M1AP: variants seen among roughly 807,000 people sequenced by gnomAD.
M1AP encodes meiosis 1 associated protein.
In M1AP, 39 loss-of-function variants were observed where a neutral mutation model predicts 51.2. The observed-to-expected ratio is 0.76, with a 90% CI of 0.59 to 1.00. The LOEUF is 1.00. Among genes scored for constraint, M1AP ranks in the 50% least tolerant of loss-of-function variants. M1AP has a pLI of 0.00. For synonymous variants in M1AP, 251 were observed against 249.2 expected (o/e 1.01, Z -0.07); for missense variants, 545 against 641.2 (o/e 0.85, Z 1.62).
chr2:74,573,088 C>G (rs1678844400), intron 7 of M1AP, among the ~76,000 whole-genome samples: 1 of 152,116 alleles, frequency 6.6e-6, no homozygotes, highest in African/African-American at 2.4e-5. Context: ...ACACTGTTGC[C>G]CAGGCTGGAG....
At chr2:74,623,732 C>T (rs529009725) in intron 2 of M1AP, among the ~76,000 whole-genome samples, 13 of 152,230 alleles carry the variant, frequency 8.5e-5, no homozygotes, top group Admixed American at 7.2e-4. Context: ...AGTACAGTGG[C>T]GTGATCATGA....
At chr2:74,569,650 C>T (rs1239427523) in intron 7 of M1AP, among the ~76,000 whole-genome samples, 4 of 151,544 alleles carry the variant, frequency 2.6e-5, no homozygotes, top group Non-Finnish European at 5.9e-5. Flanking sequence ...GCTGGGATTA[C>T]AGGTGTGAGT....
At chr2:74,635,173 C>T (rs1197867135) in intron 2 of M1AP, among the ~76,000 whole-genome samples, 1 of 152,172 alleles carries the variant, frequency 6.6e-6, no homozygotes, top group African/African-American at 2.4e-5. Flanking sequence ...GGTTACAGGG[C>T]CATTCAAACT....
chr2:74,624,602 A>G (rs948368317), intron 2 of M1AP, among the ~76,000 whole-genome samples: 2 of 152,206 alleles, frequency 1.3e-5, no homozygotes, highest in African/African-American at 4.8e-5. Context: ...GACTCCCTAT[A>G]TATAAATTGG....
chr2:74,562,017 C>T, intron 8 of M1AP, 200 bp downstream of exon 8: 1 of 985,428 alleles, frequency 1.0e-6, no homozygotes, highest in Non-Finnish European at 1.2e-6. Context: ...TTCTATTTCA[C>T]TCCTTACCCT....
At chr2:74,631,248 ATTTTAT>A (rs1296697384) in intron 2 of M1AP, among the ~76,000 whole-genome samples, 1 of 152,130 alleles carries the variant, frequency 6.6e-6, no homozygotes, top group East Asian at 1.9e-4. Flanking sequence ...TTTACTGTAT[ATTTTAT>A]TTTTATTTTT....
chr2:74,634,235 C>G (rs538088952), intron 2 of M1AP, among the ~76,000 whole-genome samples: 13 of 152,154 alleles, frequency 8.5e-5, no homozygotes, highest in Non-Finnish European at 1.3e-4. Context: ...TGAAAATGAC[C>G]AACAAATACC....
intron 2 of M1AP, among the ~76,000 whole-genome samples, chr2:74,617,649 G>C (rs1430813984): frequency 6.6e-6 from 1 of 152,144 alleles, no homozygotes; most frequent in African/African-American, 2.4e-5. Context: ...TTATGTACCT[G>C]CACATGCACC....
intron 5 of M1AP, among the ~76,000 whole-genome samples, chr2:74,579,925 G>A (rs370692351): frequency 1.5e-4 from 23 of 151,944 alleles, no homozygotes; most frequent in South Asian, 6.2e-4. Flanking sequence ...CTCTTGCCTC[G>A]GCCTCCTGAG....
intron 2 of M1AP, among the ~76,000 whole-genome samples, chr2:74,631,390 T>C (rs1169099278): frequency 1.3e-5 from 2 of 152,192 alleles, no homozygotes; most frequent in Non-Finnish European, 2.9e-5. Context: ...ACTATAGAAA[T>C]GACAAAATTA....
rs75763367 is a variant in M1AP at position 74,589,157 on chromosome 2, C to T, written c.596-7310G>A. Among the ~76,000 whole-genome samples the T allele has an allele frequency of 3.4e-3, 515 of 152,244 alleles. 2 individuals are homozygous for T. Among genetic ancestry groups the T allele is most frequent in the African/African-American group, 0.011 (467 of 41,538 alleles). On this transcript the variant is annotated intron_variant, in intron 4 of 10. Transcript: ENST00000421985. Reference sequence around the variant, plus strand: ...GACAGTTGGGCAGAAACTTGAATGACGTGAAGTGAGTCATAAAAACATTTG... The same window carrying T: ...GACAGTTGGGCAGAAACTTGAATGATGTGAAGTGAGTCATAAAAACATTTG...
At chr2:74,612,187 G>C (rs555891788) in intron 3 of M1AP, among the ~76,000 whole-genome samples, 1 of 151,686 alleles carries the variant, frequency 6.6e-6, no homozygotes, top group East Asian at 1.9e-4. Flanking sequence ...CACTGCGCCC[G>C]GCCACCAGTT....
chr2:74,631,184 T>C (rs1454140351), intron 2 of M1AP, among the ~76,000 whole-genome samples: 4 of 152,242 alleles, frequency 2.6e-5, no homozygotes, highest in African/African-American at 4.8e-5. Context: ...TGTTTGTTTT[T>C]AGTTATATTA....
chr2:74,580,842 C>T (rs1433534635), intron 5 of M1AP, among the ~76,000 whole-genome samples: 1 of 152,098 alleles, frequency 6.6e-6, no homozygotes, highest in African/African-American at 2.4e-5. Context: ...GTACAAATTC[C>T]CACCCCTAAA....
chr2:74,614,283 T>G (rs1280469994), intron 3 of M1AP, among the ~76,000 whole-genome samples: 1 of 152,180 alleles, frequency 6.6e-6, no homozygotes, highest in African/African-American at 2.4e-5. Context: ...AAAATATTGT[T>G]GATTTTTTAG....
chr2:74,592,858 A>G (rs1283224825), intron 4 of M1AP, among the ~76,000 whole-genome samples: 2 of 152,174 alleles, frequency 1.3e-5, no homozygotes, highest in Non-Finnish European at 2.9e-5. Context: ...TTACTTTTTG[A>G]GCAAGTTCAT....
intron 7 of M1AP, among the ~76,000 whole-genome samples, chr2:74,564,451 G>A (rs1361496674): frequency 6.6e-6 from 1 of 152,166 alleles, no homozygotes; most frequent in African/African-American, 2.4e-5. Flanking sequence ...TCACTAGAAG[G>A]TTTTGGGGGT....
chr2:74,614,937 G>T, intron 3 of M1AP, 27 bp downstream of exon 3: 1 of 1,603,040 alleles, frequency 6.2e-7, no homozygotes, highest in Non-Finnish European at 8.5e-7. Context: ...AACACAGCTT[G>T]GAGTCCTAAA....
intron 2 of M1AP, among the ~76,000 whole-genome samples, chr2:74,639,119 G>A (rs926862196): frequency 6.6e-6 from 1 of 152,088 alleles, no homozygotes; most frequent in Non-Finnish European, 1.5e-5. Context: ...AGCAACCAGG[G>A]TATGTTCTAA....
Sources: gnomAD v4.1 joint callset for allele counts (sites outside exome capture counted in the v4.1 genomes callset) on GRCh38, gnomAD v4.1.1 for gene constraint, MANE v1.5 for transcripts, NCBI Gene and HGNC (gene_info 2026-07-23, HGNC 2026-07-21) for gene names.